Variants in TRPM7 observed in about 807,000 individuals in gnomAD.
TRPM7 encodes the protein transient receptor potential cation channel subfamily M member 7, also known as LTRPC ion channel family member 7.
A neutral mutation model predicts 229.7 loss-of-function variants in TRPM7; 134 were observed. That is an observed-to-expected ratio of 0.58 (90% CI 0.51 to 0.67). The LOEUF (loss-of-function observed/expected upper bound fraction) is 0.67. Among genes scored for constraint, TRPM7 ranks in the 30% least tolerant of loss-of-function variants. The pLI is 0.00. For missense variants in TRPM7, 1,901 were observed against 2,210.0 expected (o/e 0.86, Z 2.80); for synonymous variants, 699 against 715.2 (o/e 0.98, Z 0.36).
rs199686585 is a variant in TRPM7 at position 50,655,437 on chromosome 15, G to GAA, written c.122+2342_122+2343dup. On this transcript the variant is annotated intron_variant, in intron 3 of 38. Coordinates refer to ENST00000646667, the MANE Select transcript of TRPM7 (RefSeq NM_017672.6). The stretch of plus-strand genomic sequence containing the variant: ...AACAGACCAAGACTCCATCTCAAAG[G>GAA]AAAAAAAAAACAAAAAAACAAAAAA... 1.1e-3 allele frequency among the ~76,000 whole-genome samples: 95 copies of GAA among 89,372 alleles called. 4 individuals are homozygous for GAA. Among genetic ancestry groups the GAA allele is most frequent in the Middle Eastern group, 6.7e-3 (1 of 150 alleles). 58.6% of individuals were successfully genotyped at this position (89,372 alleles called of 152,430 possible). A position where few individuals can be genotyped will look rare whatever the true frequency, so the allele number is the denominator to read the frequency against.
At chr15:50,608,487 T>C (rs1339365442) in intron 19 of TRPM7, among the ~76,000 whole-genome samples, 1 of 152,218 alleles carries the variant, frequency 6.6e-6, no homozygotes, top group Non-Finnish European at 1.5e-5. Flanking sequence ...ATTCCTGTAG[T>C]CACCCATGTT....
chr15:50,608,052 C>CAAAAAAAA (rs570861548), intron 19 of TRPM7, among the ~76,000 whole-genome samples: 2 of 76,206 alleles, frequency 2.6e-5, no homozygotes, highest in Non-Finnish European at 2.4e-5. Flanking sequence ...GAGACTCTGT[C>CAAAAAAAA]AAAAAAAAAA....
chr15:50,614,206 A>G lies in TRPM7; in HGVS notation c.1552T>C (p.Tyr518His). Residue 518 changes from tyrosine to histidine, a missense_variant, in exon 14 of 39, where the codon TAT becomes CAT. Transcript: ENST00000646667. ...TLIDIGLVIE[Y>H]LMGGTYRCTY... is the part of the protein sequence containing the mutation. ...CATCTGTAGGTTCCTCCCATGAGAT[A>G]TTCAATAACAAGTCCTATATCAATC... 1 of 1,613,012 alleles carries G rather than the reference A, an allele frequency of 6.2e-7. No homozygotes were observed. The highest frequency in any genetic ancestry group is 1.1e-5 in the South Asian group (1 of 91,036).
At position 50,634,466 on chromosome 15, in the gene TRPM7, G is replaced by A; in HGVS notation, c.923C>T (p.Pro308Leu). Residue 308 changes from proline (P) to leucine (L), a missense_variant, in exon 8 of 39, where the codon CCC (proline) becomes CTC (leucine). By Grantham distance (98) the Pro-to-Leu change is moderately conservative. This residue lies in a region of TRPM7 where 794 missense variants were observed against 881.9 expected (regional missense o/e 0.90). Transcript: ENST00000646667. ...TTCACACACAACTACTGGAACAGGG[G>A]GGCTTTCCTGAAGGTATTCAAGAAC... ...LTVLEYLQES[P>L]PVPVVVCEGT... The A allele has an allele frequency of 6.3e-7, 1 of 1,585,066 alleles. No homozygotes were observed. The highest frequency in any genetic ancestry group is 8.6e-7 in the Non-Finnish European group (1 of 1,167,984).
At chr15:50,566,867 T>C (rs1389444655) in intron 38 of TRPM7, among the ~76,000 whole-genome samples, 1 of 151,996 alleles carries the variant, frequency 6.6e-6, no homozygotes, top group Non-Finnish European at 1.5e-5. Context: ...CAACGAAAAC[T>C]GATTCTTTGA....
intron 28 of TRPM7, among the ~76,000 whole-genome samples, chr15:50,584,357 A>C (rs555620311): frequency 7.9e-5 from 12 of 152,326 alleles, no homozygotes; most frequent in African/African-American, 2.4e-4. Flanking sequence ...AATCTGGTTA[A>C]ATACCAGAGA....
At position 50,686,797 on chromosome 15, in the gene TRPM7, C is replaced by T. The variant is rs1204636742; in HGVS notation, c.-264G>A. 3.4e-5 allele frequency: 12 copies of T among 354,088 alleles called. No homozygotes were observed. Among genetic ancestry groups the T allele is most frequent in the Non-Finnish European group, 5.0e-5 (10 of 199,210 alleles). The allele number at this position is 354,088 out of a possible 1,614,324, so 21.9% of individuals were successfully genotyped here. A position where few individuals can be genotyped will look rare whatever the true frequency, so the allele number is the denominator to read the frequency against. ...CCTCCGCCGGCGACGGGGCTGGGGA[C>T]GGACCACGTGAGCGGCGCGGCGCGG... On this transcript the variant is annotated 5_prime_UTR_variant, in exon 1 of 39. Coordinates refer to ENST00000646667, the MANE Select transcript of TRPM7 (RefSeq NM_017672.6).
At chr15:50,617,557 G>T (rs1421169329) in intron 13 of TRPM7, among the ~76,000 whole-genome samples, 1 of 152,052 alleles carries the variant, frequency 6.6e-6, no homozygotes, top group East Asian at 1.9e-4. Context: ...TAGGATAGTA[G>T]TTTAGTATTA....
At chr15:50,601,340 G>A (rs536649297) in intron 21 of TRPM7, among the ~76,000 whole-genome samples, 2 of 152,170 alleles carry the variant, frequency 1.3e-5, no homozygotes, top group African/African-American at 4.8e-5. Flanking sequence ...TCATAAAAAT[G>A]AGGATTCTTA....
chr15:50,671,786 G>T (rs563099494), intron 1 of TRPM7, among the ~76,000 whole-genome samples: 1 of 151,974 alleles, frequency 6.6e-6, no homozygotes, highest in Non-Finnish European at 1.5e-5. Context: ...CTCCAGCCTG[G>T]GTGAGAGAAC....
intron 5 of TRPM7, among the ~76,000 whole-genome samples, chr15:50,640,662 G>A (rs554249185): frequency 6.6e-5 from 10 of 152,116 alleles, no homozygotes; most frequent in Non-Finnish European, 1.2e-4. Flanking sequence ...TGGAGACAGG[G>A]CCTTTATATA....
intron 6 of TRPM7, among the ~76,000 whole-genome samples, chr15:50,639,002 G>T (rs1041252182): frequency 6.6e-6 from 1 of 152,094 alleles, no homozygotes; most frequent in Non-Finnish European, 1.5e-5. Context: ...TAACAGTGTT[G>T]ATAAATATCT....
chr15:50,586,546 T>C (rs961526175), intron 27 of TRPM7, 58 bp from the exon 28 acceptor site: 2 of 1,125,660 alleles, frequency 1.8e-6, no homozygotes, highest in African/African-American at 1.5e-5. Context: ...TTCAACCCAT[T>C]ACTCTAAGTA....
chr15:50,655,456 C>T (rs12911887), intron 3 of TRPM7, among the ~76,000 whole-genome samples: 2 of 129,860 alleles, frequency 1.5e-5, no homozygotes, highest in African/African-American at 2.8e-5. Context: ...AACAAAAAAA[C>T]AAAAAACCTT....
At chr15:50,566,619 C>T (rs536807665) in intron 38 of TRPM7, among the ~76,000 whole-genome samples, 4 of 152,216 alleles carry the variant, frequency 2.6e-5, no homozygotes, top group Admixed American at 1.3e-4. Flanking sequence ...TCGTTTGAAC[C>T]TGGGAGGTGG....
At chr15:50,630,147 C>A (rs991514772) in intron 10 of TRPM7, among the ~76,000 whole-genome samples, 7 of 152,034 alleles carry the variant, frequency 4.6e-5, no homozygotes, top group African/African-American at 7.2e-5. Context: ...CAGGTGTGAG[C>A]CAGCGCACGC....
chr15:50,619,841 A>T (rs758304964), intron 12 of TRPM7, 43 bp from the exon 13 acceptor site: 2 of 1,494,994 alleles, frequency 1.3e-6, no homozygotes, highest in Non-Finnish European at 1.8e-6. Context: ...TTTTTCTTCT[A>T]AACTAATTTA....
intron 29 of TRPM7, chr15:50,582,326 T>A (rs1284962950): frequency 6.6e-6 from 1 of 152,190 alleles, no homozygotes; most frequent in African/African-American, 2.4e-5. Context: ...TATCTCCTTC[T>A]TTTCTCATGT....
At chr15:50,585,294 C>T (rs964669822) in intron 28 of TRPM7, among the ~76,000 whole-genome samples, 1 of 152,160 alleles carries the variant, frequency 6.6e-6, no homozygotes, top group Admixed American at 6.5e-5. Context: ...AACTCCTGAC[C>T]TCAGGTGATC....
Sources: allele counts gnomAD v4.1 joint callset (sites outside exome capture counted in the v4.1 genomes callset), GRCh38; gene constraint gnomAD v4.1.1; regional missense constraint gnomAD v4.1.1; transcripts MANE v1.5; gene names NCBI Gene and HGNC (gene_info 2026-07-23, HGNC 2026-07-21).